Variants in TNRC6A observed in about 807,000 individuals in gnomAD.
The protein encoded by TNRC6A is trinucleotide repeat containing adaptor 6A.
TNRC6A carries 44 observed loss-of-function variants against 221.2 expected under a neutral mutation model. That is an observed-to-expected ratio of 0.20 (90% CI 0.16 to 0.26). The LOEUF (loss-of-function observed/expected upper bound fraction) is 0.26, where lower values mean the gene tolerates loss of function less well. TNRC6A is among the 10% of genes least tolerant of loss of function. The pLI, the probability that TNRC6A is intolerant of heterozygous loss-of-function variation, is 1.00. For missense variants in TNRC6A, 2,199 were observed against 2,404.4 expected (o/e 0.91, Z 1.79); for synonymous variants, 847 against 838.5 (o/e 1.01, Z -0.18).
chr16:24,730,850 C>T (rs1402480393), intron 2 of TNRC6A, among the ~76,000 whole-genome samples: 1 of 145,566 alleles, frequency 6.9e-6, no homozygotes, highest in Admixed American at 7.3e-5. Flanking sequence ...TCCTTCGAAA[C>T]TCCATTTCTG....
At chr16:24,710,840 G>A (rs2056191626) in intron 2 of TNRC6A, among the ~76,000 whole-genome samples, 1 of 148,890 alleles carries the variant, frequency 6.7e-6, no homozygotes, top group Non-Finnish European at 1.5e-5. Flanking sequence ...AGTCTCCTTA[G>A]TAGCTGGGAT....
intron 3 of TNRC6A, among the ~76,000 whole-genome samples, chr16:24,755,404 T>C (rs1422161538): frequency 6.6e-6 from 1 of 152,258 alleles, no homozygotes; most frequent in Non-Finnish European, 1.5e-5. Flanking sequence ...AGGCTGAAGA[T>C]AGCAGCCGCC....
At chr16:24,728,356 A>G (rs2056527852), upstream of TNRC6A, among the ~76,000 whole-genome samples, 1 of 152,172 alleles carries the variant, frequency 6.6e-6, no homozygotes, top group Non-Finnish European at 1.5e-5. Context: ...CTAAGGCAGG[A>G]GAATTGCTTG....
At chr16:24,768,888 T>C (rs2057531819) in intron 4 of TNRC6A, among the ~76,000 whole-genome samples, 1 of 152,222 alleles carries the variant, frequency 6.6e-6, no homozygotes, top group South Asian at 2.1e-4. Context: ...TATTAAGGCA[T>C]GGAAATTGAT....
chr16:24,817,505 C>G (rs917349601), intron 20 of TNRC6A, among the ~76,000 whole-genome samples: 3 of 151,902 alleles, frequency 2.0e-5, no homozygotes, highest in African/African-American at 7.3e-5. Context: ...AGAATAAGAC[C>G]AATTTAAGGA....
intron 5 of TNRC6A, among the ~76,000 whole-genome samples, chr16:24,785,884 A>T (rs1487658258): frequency 2.0e-5 from 3 of 152,342 alleles, no homozygotes; most frequent in African/African-American, 7.2e-5. Flanking sequence ...GGACTGTCTT[A>T]GATTTGGAAA....
At chr16:24,614,937 A>G (rs894839786) in intron 1 of TNRC6A, among the ~76,000 whole-genome samples, 6 of 152,094 alleles carry the variant, frequency 3.9e-5, no homozygotes, top group African/African-American at 1.4e-4. Context: ...AGGCATGGTG[A>G]CCGGCACCTG....
chr16:24,821,084 G>A (rs1567526185), intron 22 of TNRC6A, among the ~76,000 whole-genome samples: 3 of 152,230 alleles, frequency 2.0e-5, no homozygotes, highest in Admixed American at 1.3e-4. Context: ...GTGATTGGCT[G>A]TAGGAAAACT....
intron 2 of TNRC6A, among the ~76,000 whole-genome samples, chr16:24,682,004 C>T (rs1227111998): frequency 4.6e-5 from 7 of 152,114 alleles, no homozygotes; most frequent in Non-Finnish European, 8.8e-5. Context: ...CCCACGGCCT[C>T]GCCAGTATAA....
At chr16:24,721,844 T>C (rs1186407867) in intron 2 of TNRC6A, among the ~76,000 whole-genome samples, 2 of 152,158 alleles carry the variant, frequency 1.3e-5, no homozygotes, top group Non-Finnish European at 2.9e-5. Context: ...ATACACGCAA[T>C]CATATGAATG....
chr16:24,823,913 C>G lies in TNRC6A; in HGVS notation c.*106C>G. 3.4e-6 allele frequency: 4 copies of G among 1,182,760 alleles called. No individual in the cohort carries two copies. The highest frequency in any genetic ancestry group is 4.5e-6 in the Non-Finnish European group (4 of 894,360). The allele number at this position is 1,182,760 out of a possible 1,614,324, so 73.3% of individuals were successfully genotyped here. ...GGGGCCGCCTGTGGGAACAGCTATT[C>G]TCTGCACATTTTCCACTTTGTTTTC... On this transcript the variant is annotated 3_prime_UTR_variant, in exon 25 of 25. Transcript: ENST00000395799. This position sits in a 1 kb window ranked among gnomAD's most constrained non-coding sequence, Gnocchi z 4.3.
Position 24,750,765 on chromosome 16 carries a change from GA to G in TNRC6A, c.98del (p.Lys33ArgfsTer27). On this transcript the variant is annotated frameshift_variant, in exon 3 of 25. Transcript: ENST00000395799. LOFTEE classifies it high-confidence loss of function. ...QEEEQLMEEK[K>X]KKKDDKKKKE... ...AAGAAGAACAGTTGATGGAAGAAAA[GA>G]AAAAGAAAAAAGACGACAAGAAAAA... 6.4e-7 allele frequency: 1 copy of G among 1,565,138 alleles called. No individual in the cohort carries two copies. The highest frequency in any genetic ancestry group is 8.6e-7 in the Non-Finnish European group (1 of 1,159,098).
At chr16:24,692,780 C>G (rs564564664) in intron 2 of TNRC6A, among the ~76,000 whole-genome samples, 4 of 151,872 alleles carry the variant, frequency 2.6e-5, no homozygotes, top group Admixed American at 6.6e-5. Context: ...ATACATGTAA[C>G]TCTGAAATTT....
intron 2 of TNRC6A, among the ~76,000 whole-genome samples, chr16:24,671,563 G>T (rs1678425268): frequency 6.6e-6 from 1 of 152,218 alleles, no homozygotes; most frequent in Admixed American, 6.5e-5. Flanking sequence ...CACTGCCTGG[G>T]GAGTAGAATG....
At chr16:24,611,418 T>C (rs1199551374) in intron 1 of TNRC6A, among the ~76,000 whole-genome samples, 1 of 151,842 alleles carries the variant, frequency 6.6e-6, no homozygotes, top group African/African-American at 2.4e-5. Context: ...TCCTGGGAGG[T>C]GGTTTCTTGG....
intron 14 of TNRC6A, 121 bp from the exon 15 acceptor site, chr16:24,805,484 T>C: frequency 7.2e-7 from 1 of 1,389,352 alleles, no homozygotes; most frequent in Admixed American, 2.1e-5. Context: ...AGACAAAGAC[T>C]ATAACCCCCA....
chr16:24,725,014 T>C (rs2056468993), upstream of TNRC6A, among the ~76,000 whole-genome samples: 1 of 152,124 alleles, frequency 6.6e-6, no homozygotes. Context: ...ATCTTTGTCC[T>C]GATAACTTCA....
chr16:24,789,846 C>G lies in TNRC6A; in HGVS notation c.1204C>G (p.Pro402Ala), dbSNP rs1444778401. Reference sequence around the variant, plus strand: ...TCAGTGCAGTACTATAGGCCAGATGCCTAACAATCAGAGTATTAACTCTAA... The same window carrying G: ...TCAGTGCAGTACTATAGGCCAGATGGCTAACAATCAGAGTATTAACTCTAA... ...NIQCSTIGQM[P>A]NNQSINSKVS... The change falls in exon 6 of 25, where the codon CCT (proline) becomes GCT (alanine). Residue 402 changes from proline (P) to alanine (A), a missense_variant. By Grantham distance (27) the Pro-to-Ala change is conservative (BLOSUM62 -1). Around this residue, in one of 8 missense-constraint regions of TNRC6A, gnomAD observed 1,405 missense variants for 1,400.2 expected, o/e 1.00. Transcript: ENST00000395799. 1 of 1,613,998 alleles carries G rather than the reference C, an allele frequency of 6.2e-7. No individual in the cohort carries two copies. The highest frequency in any genetic ancestry group is 8.5e-7 in the Non-Finnish European group (1 of 1,180,030).
intron 1 of TNRC6A, among the ~76,000 whole-genome samples, chr16:24,621,083 C>CAAAAAA (rs56266931): frequency 4.7e-5 from 2 of 42,700 alleles, no homozygotes; most frequent in African/African-American, 9.2e-5. Context: ...GACGCCGTCT[C>CAAAAAA]AAAAAAAAAA....
Sources: allele counts gnomAD v4.1 joint callset (sites outside exome capture counted in the v4.1 genomes callset), GRCh38; gene constraint gnomAD v4.1.1; regional missense constraint gnomAD v4.1.1; non-coding constraint Gnocchi (gnomAD v3.1); transcripts MANE v1.5; gene names NCBI Gene and HGNC (gene_info 2026-07-23, HGNC 2026-07-21).